Variants in PSME4 observed in about 807,000 individuals in gnomAD.
PSME4 encodes the protein proteasome activator subunit 4, also known as proteasome activator complex subunit 4.
A neutral mutation model predicts 253.9 loss-of-function variants in PSME4; 89 were observed. That is an observed-to-expected ratio of 0.35 (90% CI 0.30 to 0.42). PSME4 has a LOEUF of 0.42. Among genes scored for constraint, PSME4 ranks in the 10% least tolerant of loss-of-function variants. The probability of loss-of-function intolerance (pLI) is 1.00; values close to 1 mark genes in which losing one functional copy is unlikely to be tolerated. For missense variants in PSME4, 2,014 were observed against 2,195.2 expected (o/e 0.92, Z 1.65); for synonymous variants, 851 against 759.2 (o/e 1.12, Z -1.99).
Position 53,866,180 on chromosome 2 carries a change from T to C in PSME4, c.5441A>G (p.His1814Arg), listed in dbSNP as rs1453806163. Residue 1814 changes from histidine to arginine, a missense_variant, in exon 46 of 47, where the codon CAT (histidine) becomes CGT (arginine). His to Arg is a conservative substitution (Grantham distance 29). Around this residue, in one of 4 missense-constraint regions of PSME4, gnomAD observed 403 missense variants for 556.1 expected, o/e 0.72. Transcript: ENST00000404125. ...KTLSNFRRTH[H>R]DNWQEHKQQF... ...CTGTTTATGTTCCTGCCAGTTGTCATGGTGAGTCCTTCGGAAATTGGATAA... is the reference window on the plus strand; with the variant it reads ...CTGTTTATGTTCCTGCCAGTTGTCACGGTGAGTCCTTCGGAAATTGGATAA... 6.2e-7 allele frequency: 1 copy of C among 1,613,942 alleles called. No homozygotes were observed. The highest frequency in any genetic ancestry group is 1.3e-5 in the African/African-American group (1 of 74,938).
intron 4 of PSME4, among the ~76,000 whole-genome samples, chr2:53,938,372 G>C (rs1337982848): frequency 8.5e-5 from 13 of 152,064 alleles, no homozygotes. Flanking sequence ...ATATGGACAG[G>C]AGTGTCCCTG....
intron 20 of PSME4, among the ~76,000 whole-genome samples, chr2:53,911,068 T>C (rs1015699817): frequency 1.3e-5 from 2 of 152,196 alleles, no homozygotes; most frequent in Non-Finnish European, 2.9e-5. Flanking sequence ...CCTCAAAAAG[T>C]AGCTGAATTA....
intron 36 of PSME4, 114 bp downstream of exon 36, chr2:53,892,694 T>C: frequency 3.1e-6 from 3 of 958,092 alleles, no homozygotes; most frequent in Middle Eastern, 3.3e-4. Flanking sequence ...GCATATTTCA[T>C]ATCACTGAAG....
chr2:53,954,242 C>T (rs1244230831), intron 1 of PSME4, among the ~76,000 whole-genome samples: 1 of 152,008 alleles, frequency 6.6e-6, no homozygotes, highest in South Asian at 2.1e-4. Context: ...GCAGGAGAAT[C>T]GCTTGAACCC....
In PSME4 at chr2:53,887,611, C is replaced by A. The variant is rs543998700; in HGVS notation, c.4521-144G>T. 38 of 905,736 alleles carry A rather than the reference C, an allele frequency of 4.2e-5. No homozygotes were observed. The African/African-American group carries it at 5.9e-4, about 14-fold the overall frequency. The allele number at this position is 905,736 out of a possible 1,614,324, so 56.1% of individuals were successfully genotyped here. On this transcript the variant is annotated intron_variant, in intron 39 of 46. Coordinates refer to ENST00000404125, the MANE Select transcript of PSME4 (RefSeq NM_014614.3). ...AGATTATGCCTGTGTGTAAAAGAAGCCTTATAATTAAGGGGTATTAACACT... is the reference window on the plus strand; with the variant it reads ...AGATTATGCCTGTGTGTAAAAGAAGACTTATAATTAAGGGGTATTAACACT...
chr2:53,968,543 C>A (rs941092233), intron 1 of PSME4, among the ~76,000 whole-genome samples: 1 of 152,200 alleles, frequency 6.6e-6, no homozygotes, highest in Admixed American at 6.6e-5. Flanking sequence ...GTCACCTTAA[C>A]ATGACTTAGG....
intron 45 of PSME4, 72 bp downstream of exon 45, chr2:53,866,675 G>A: frequency 6.7e-7 from 1 of 1,498,262 alleles, no homozygotes; most frequent in Non-Finnish European, 9.1e-7. Context: ...GAGTGTATAG[G>A]AAATTATTAT....
rs780800909 is a variant in PSME4 at position 53,901,449 on chromosome 2, G to T, written c.3186C>A (p.Ser1062Arg). 1 of 1,613,972 alleles carries T rather than the reference G, an allele frequency of 6.2e-7. No individual in the cohort carries two copies. Among genetic ancestry groups the T allele is most frequent in the Non-Finnish European group, 8.5e-7 (1 of 1,179,942 alleles). Reference protein sequence around the residue: ...TWPAIVSSGLSQAMSLEKPSI... With the variant: ...TWPAIVSSGLRQAMSLEKPSI... ...ATGGCTTTTCCAGGGACATTGCTTG[G>T]CTAAGCCCTGAAGAAACAATCGCTG... Residue 1062 changes from serine to arginine, a missense_variant, in exon 28 of 47, where the codon AGC becomes AGA. By Grantham distance (110) the Ser-to-Arg change is moderately radical. Coordinates refer to ENST00000404125, the MANE Select transcript of PSME4 (RefSeq NM_014614.3).
chr2:53,969,956 G>A (rs1345869144), intron 1 of PSME4, among the ~76,000 whole-genome samples: 1 of 152,154 alleles, frequency 6.6e-6, no homozygotes, highest in Non-Finnish European at 1.5e-5. Flanking sequence ...GCTCAAGAAT[G>A]AGGTCTGACT....
intron 36 of PSME4, among the ~76,000 whole-genome samples, chr2:53,892,188 C>G (rs1195987091): frequency 6.6e-6 from 1 of 151,982 alleles, no homozygotes; most frequent in African/African-American, 2.4e-5. Flanking sequence ...AAAAGGTGAC[C>G]AAAAAACCCT....
At position 53,920,350 on chromosome 2, in the gene PSME4, C is replaced by T; in HGVS notation, c.2263G>A (p.Asp755Asn). The T allele has an allele frequency of 6.2e-7, 1 of 1,607,952 alleles. No individual in the cohort carries two copies. The highest frequency in any genetic ancestry group is 8.5e-7 in the Non-Finnish European group (1 of 1,176,994). ...CACAAGTCCCCGGGTTTGCCCCAGT[C>T]CTAGAAGAGAACAGCATCTACTCAG... ...KPPSEYFPIK[D>N]WGKPGDLWNL... The change falls in exon 19 of 47, where the codon GAC becomes AAC. Residue 755 changes from aspartate (D) to asparagine (N), a missense_variant and splice_region_variant. Asp to Asn is a conservative substitution (Grantham distance 23). Around this residue, in one of 4 missense-constraint regions of PSME4, gnomAD observed 989 missense variants for 1,021.1 expected, o/e 0.97. Coordinates refer to ENST00000404125, the MANE Select transcript of PSME4 (RefSeq NM_014614.3).
At position 53,885,540 on chromosome 2, in the gene PSME4, A is replaced by G. The variant is rs761978558; in HGVS notation, c.4815+150T>C. On this transcript the variant is annotated intron_variant, in intron 41 of 46. Coordinates refer to ENST00000404125, the MANE Select transcript of PSME4 (RefSeq NM_014614.3). ...CGATTTCAACAAATATTAAACCACTATCACCTAATGATTTTCCTGTGACCA... is the reference window on the plus strand; with the variant it reads ...CGATTTCAACAAATATTAAACCACTGTCACCTAATGATTTTCCTGTGACCA... The G allele has an allele frequency of 2.4e-5, 13 of 546,246 alleles. No individual in the cohort carries two copies. The South Asian group carries it at 3.6e-4, about 15-fold the overall frequency. The allele number at this position is 546,246 out of a possible 1,614,324, so 33.8% of individuals were successfully genotyped here. A position where few individuals can be genotyped will look rare whatever the true frequency, so the allele number is the denominator to read the frequency against.
chr2:53,898,230 C>A, intron 30 of PSME4, 71 bp downstream of exon 30: 1 of 1,394,732 alleles, frequency 7.2e-7, no homozygotes, highest in Non-Finnish European at 9.9e-7. Flanking sequence ...CATTCATAGC[C>A]TTCCATGTAG....
chr2:53,893,845 T>TA, intron 34 of PSME4, 46 bp from the exon 35 acceptor site: 1 of 1,529,140 alleles, frequency 6.5e-7, no homozygotes, highest in Non-Finnish European at 8.7e-7. Flanking sequence ...AAAATCCACT[T>TA]AAATACATGA....
At chr2:53,941,564 T>C (rs1669456498) in intron 3 of PSME4, among the ~76,000 whole-genome samples, 1 of 152,058 alleles carries the variant, frequency 6.6e-6, no homozygotes, top group Non-Finnish European at 1.5e-5. Context: ...TATTTATACT[T>C]ATCTGTCTAT....
chr2:53,864,160 C>T lies in PSME4; in HGVS notation c.*1418G>A, dbSNP rs1181495868. 5 of 152,102 alleles carry T rather than the reference C, an allele frequency of 3.3e-5. No individual in the cohort carries two copies. Among genetic ancestry groups the T allele is most frequent in the African/African-American group, 7.2e-5 (3 of 41,412 alleles). The allele number at this position is 152,102 out of a possible 1,614,324, so 9.4% of individuals were successfully genotyped here. A position where few individuals can be genotyped will look rare whatever the true frequency, so the allele number is the denominator to read the frequency against. ...ATACAGGGATTACGCCTGTGTATGCCGACACTTAAATACTGTACCAGGACC... is the reference window on the plus strand; with the variant it reads ...ATACAGGGATTACGCCTGTGTATGCTGACACTTAAATACTGTACCAGGACC... On this transcript the variant is annotated 3_prime_UTR_variant, in exon 47 of 47. Transcript: ENST00000404125.
intron 1 of PSME4, among the ~76,000 whole-genome samples, chr2:53,957,878 C>G (rs866334111): frequency 6.6e-6 from 1 of 152,100 alleles, no homozygotes. Flanking sequence ...GAGACAAATA[C>G]GAACACTTTG....
intron 24 of PSME4, among the ~76,000 whole-genome samples, chr2:53,907,146 G>A (rs1680698471): frequency 1.3e-5 from 2 of 152,152 alleles, no homozygotes; most frequent in South Asian, 4.1e-4. Flanking sequence ...GAGCAACAGA[G>A]TTGTGTTCTT....
intron 5 of PSME4, among the ~76,000 whole-genome samples, 193 bp from the exon 6 acceptor site, chr2:53,937,020 A>C (rs1558701777): frequency 2.0e-5 from 3 of 152,220 alleles, no homozygotes; most frequent in Non-Finnish European, 1.5e-5. Context: ...AATTTATTTA[A>C]GAAATATGAT....
Sources: allele counts gnomAD v4.1 joint callset (sites outside exome capture counted in the v4.1 genomes callset), GRCh38; gene constraint gnomAD v4.1.1; regional missense constraint gnomAD v4.1.1; transcripts MANE v1.5; gene names NCBI Gene and HGNC (gene_info 2026-07-23, HGNC 2026-07-21).